PTTG1IP2: variants seen among roughly 807,000 people sequenced by gnomAD.
The protein encoded by PTTG1IP2 is PTTG1IP family member 2.
chr7:90,486,428 C>A (rs1797875353), intron 2 of PTTG1IP2, among the ~76,000 whole-genome samples: 1 of 151,036 alleles, frequency 6.6e-6, no homozygotes, highest in African/African-American at 2.4e-5. Flanking sequence ...ACATGGTAGG[C>A]CCTATGTAAG....
At chr7:90,484,995 TG>T (rs1236191486) in intron 2 of PTTG1IP2, among the ~76,000 whole-genome samples, 1 of 152,116 alleles carries the variant, frequency 6.6e-6, no homozygotes, top group Non-Finnish European at 1.5e-5. Context: ...TTGGCCCTAT[TG>T]GGGTTTTATG....
intron 6 of PTTG1IP2, among the ~76,000 whole-genome samples, chr7:90,506,322 G>T (rs1259248808): frequency 2.0e-5 from 3 of 151,842 alleles, no homozygotes; most frequent in African/African-American, 7.3e-5. Flanking sequence ...TTCAAGTCAT[G>T]TAATTTTCAA....
In PTTG1IP2 at chr7:90,474,960, C is replaced by T. The variant is rs1222390655; in HGVS notation, c.146-4268C>T. Among the ~76,000 whole-genome samples the T allele has an allele frequency of 2.6e-5, 4 of 152,266 alleles. No homozygotes were observed. The East Asian group carries it at 7.7e-4, about 29-fold the overall frequency. ...CTAAGCTGGCAAGTAGATTGGCTTG[C>T]CACAACTCCAAAGGTGCTAAAAGTA... On this transcript the variant is annotated intron_variant, in intron 1 of 6. Coordinates refer to ENST00000509356, the MANE Select transcript of PTTG1IP2 (RefSeq NM_001365443.2).
intron 6 of PTTG1IP2, among the ~76,000 whole-genome samples, chr7:90,495,284 A>G (rs1276096609): frequency 6.6e-6 from 1 of 152,186 alleles, no homozygotes; most frequent in Non-Finnish European, 1.5e-5. Flanking sequence ...AGTTCTTAAT[A>G]AGTGTCACTT....
chr7:90,491,256 TC>T (rs1797934782), intron 4 of PTTG1IP2, among the ~76,000 whole-genome samples: 1 of 152,252 alleles, frequency 6.6e-6, no homozygotes. Context: ...TGTCATCTAT[TC>T]TTTTAGCAAA....
intron 4 of PTTG1IP2, among the ~76,000 whole-genome samples, chr7:90,489,390 G>A (rs935004060): frequency 2.0e-5 from 3 of 151,442 alleles, no homozygotes; most frequent in Non-Finnish European, 3.0e-5. Context: ...TTTTTGGGTT[G>A]TTACTATTTT....
intron 6 of PTTG1IP2, among the ~76,000 whole-genome samples, chr7:90,512,196 G>A (rs1018230208): frequency 2.0e-5 from 3 of 152,144 alleles, no homozygotes; most frequent in African/African-American, 4.8e-5. Context: ...CAGGCATTGG[G>A]AATATAAGTT....
chr7:90,470,973 AAAAAAAAG>A (rs1797678409), intron 1 of PTTG1IP2, among the ~76,000 whole-genome samples: 1 of 151,702 alleles, frequency 6.6e-6, no homozygotes, highest in Non-Finnish European at 1.5e-5. Context: ...CAAAAAAAAA[AAAAAAAAG>A]AAAAAAGAAA....
At chr7:90,506,214 A>C (rs1425753851) in intron 6 of PTTG1IP2, among the ~76,000 whole-genome samples, 1 of 151,904 alleles carries the variant, frequency 6.6e-6, no homozygotes, top group Non-Finnish European at 1.5e-5. Flanking sequence ...GGTTCTATTA[A>C]ATTTTTTTTC....
chr7:90,491,861 T>G (rs1001265413), intron 4 of PTTG1IP2, among the ~76,000 whole-genome samples: 8 of 152,216 alleles, frequency 5.3e-5, no homozygotes, highest in Non-Finnish European at 1.0e-4. Flanking sequence ...CCAGGTGCAG[T>G]GGTTCACGCC....
chr7:90,491,728 T>G (rs188576136), intron 4 of PTTG1IP2, among the ~76,000 whole-genome samples: 1 of 152,324 alleles, frequency 6.6e-6, no homozygotes, highest in Non-Finnish European at 1.5e-5. Flanking sequence ...TATTGCTAGC[T>G]TATTGATATT....
chr7:90,503,315 C>A (rs898808566), intron 6 of PTTG1IP2, among the ~76,000 whole-genome samples: 1 of 152,200 alleles, frequency 6.6e-6, no homozygotes, highest in Non-Finnish European at 1.5e-5. Flanking sequence ...ATCCAGACTA[C>A]TAAAATTTTT....
intron 4 of PTTG1IP2, among the ~76,000 whole-genome samples, 175 bp downstream of exon 4, chr7:90,489,139 A>T (rs1797910494): frequency 6.6e-6 from 1 of 151,580 alleles, no homozygotes; most frequent in Admixed American, 6.6e-5. Context: ...AAAAAAAAAA[A>T]GTTTAACTTT....
Position 90,510,207 on chromosome 7 carries a change from AG to A in PTTG1IP2, c.*51-3069del, listed in dbSNP as rs138970288. 4.1e-4 allele frequency among the ~76,000 whole-genome samples: 62 copies of A among 152,358 alleles called. No individual in the cohort carries two copies. In the East Asian group the frequency reaches 0.011, roughly 27 times the overall value. ...CCTAAATTGGCTTTCCCTCAATTAA[AG>A]GCTTTCCAAGGTACTGTTAAAATTA... is the stretch of plus-strand genomic sequence containing the variant. On this transcript the variant is annotated intron_variant, in intron 6 of 6. Transcript: ENST00000509356.
intron 6 of PTTG1IP2, among the ~76,000 whole-genome samples, chr7:90,495,789 G>T (rs1036277637): frequency 9.9e-5 from 15 of 152,190 alleles, no homozygotes; most frequent in Non-Finnish European, 2.2e-4. Flanking sequence ...TAAGAATTAT[G>T]CTAGGAGAGC....
At chr7:90,499,067 G>C (rs1302673724) in intron 6 of PTTG1IP2, among the ~76,000 whole-genome samples, 2 of 152,100 alleles carry the variant, frequency 1.3e-5, no homozygotes, top group African/African-American at 4.8e-5. Context: ...GCCCAGGCTG[G>C]TCTCGAACCC....
At chr7:90,499,724 C>G (rs1798039756) in intron 6 of PTTG1IP2, among the ~76,000 whole-genome samples, 1 of 152,140 alleles carries the variant, frequency 6.6e-6, no homozygotes, top group South Asian at 2.1e-4. Flanking sequence ...GCTGGAACTA[C>G]AGGCGCATGC....
chr7:90,485,108 C>A (rs189472352), intron 2 of PTTG1IP2, among the ~76,000 whole-genome samples: 182 of 152,292 alleles, frequency 1.2e-3, no homozygotes, highest in Non-Finnish European at 2.1e-3. Flanking sequence ...CAGGACCACA[C>A]AGGGCTTGGG....
At chr7:90,495,879 C>T (rs1006962454) in intron 6 of PTTG1IP2, among the ~76,000 whole-genome samples, 1 of 152,100 alleles carries the variant, frequency 6.6e-6, no homozygotes. Flanking sequence ...GAAATGTGCA[C>T]ATTTATTTGT....
Sources: allele counts gnomAD v4.1 joint callset (sites outside exome capture counted in the v4.1 genomes callset), GRCh38; gene constraint gnomAD v4.1.1; transcripts MANE v1.5; gene names NCBI Gene and HGNC (gene_info 2026-07-23, HGNC 2026-07-21).